Variants in STARD9 observed in about 807,000 individuals in gnomAD.
STARD9 encodes StAR related lipid transfer domain containing 9.
STARD9 carries 346 observed loss-of-function variants against 399.8 expected under a neutral mutation model. That is an observed-to-expected ratio of 0.87 (90% CI 0.79 to 0.95). The LOEUF (loss-of-function observed/expected upper bound fraction) is 0.95. Among genes scored for constraint, STARD9 ranks in the 40% least tolerant of loss-of-function variants. The pLI is 0.00. For missense variants in STARD9, 5,832 were observed against 5,667.5 expected (o/e 1.03, Z -0.93); for synonymous variants, 2,203 against 2,143.5 (o/e 1.03, Z -0.77).
intron 26 of STARD9, among the ~76,000 whole-genome samples, chr15:42,704,199 C>T (rs1481695041): frequency 3.3e-5 from 5 of 152,312 alleles, no homozygotes; most frequent in Middle Eastern, 3.4e-3. Context: ...GCATGAGCTA[C>T]CACGCCTGGC....
intron 3 of STARD9, among the ~76,000 whole-genome samples, chr15:42,616,011 G>C (rs1409497077): frequency 1.3e-5 from 2 of 152,132 alleles, no homozygotes; most frequent in Non-Finnish European, 1.5e-5. Flanking sequence ...CAATGAGTAG[G>C]ATTGGGGTGA....
intron 26 of STARD9, among the ~76,000 whole-genome samples, chr15:42,698,184 A>G (rs1595799705): frequency 6.6e-6 from 1 of 152,208 alleles, no homozygotes; most frequent in Admixed American, 6.5e-5. Flanking sequence ...TGCTGTTATC[A>G]GCAATACTAC....
intron 26 of STARD9, among the ~76,000 whole-genome samples, chr15:42,714,571 T>C (rs570915336): frequency 2.0e-5 from 3 of 152,356 alleles, no homozygotes; most frequent in African/African-American, 7.2e-5. Context: ...ATTTTTAATA[T>C]AATTTTGCAT....
chr15:42,658,234 T>C (rs1391697371), intron 9 of STARD9, among the ~76,000 whole-genome samples: 3 of 151,670 alleles, frequency 2.0e-5, no homozygotes, highest in African/African-American at 7.3e-5. Context: ...AGCCTCAACC[T>C]CCCGGGCTCA....
intron 8 of STARD9, among the ~76,000 whole-genome samples, chr15:42,651,640 T>G (rs886127055): frequency 1.3e-5 from 2 of 152,186 alleles, no homozygotes; most frequent in Non-Finnish European, 2.9e-5. Flanking sequence ...AAAAGGCTTT[T>G]TTTTTCTGGG....
chr15:42,657,478 A>G (rs1267257658), intron 9 of STARD9, among the ~76,000 whole-genome samples: 1 of 152,250 alleles, frequency 6.6e-6, no homozygotes, highest in Non-Finnish European at 1.5e-5. Context: ...ACCCTGAACA[A>G]CCAAACCTCA....
At chr15:42,589,796 G>A (rs531811768) in intron 3 of STARD9, among the ~76,000 whole-genome samples, 2 of 150,890 alleles carry the variant, frequency 1.3e-5, no homozygotes, top group East Asian at 2.0e-4. Flanking sequence ...TAGTAGAGAC[G>A]GGGTTTCACT....
chr15:42,631,829 A>T (rs28882725), intron 3 of STARD9, among the ~76,000 whole-genome samples: 3,026 of 150,590 alleles, frequency 0.02, 45 homozygotes, highest in Middle Eastern at 0.041. Flanking sequence ...TTTTTTTTTT[A>T]AATTATTTAA....
chr15:42,683,737 ATTTTTATTTC>A (rs920153331), intron 22 of STARD9, among the ~76,000 whole-genome samples: 1 of 152,018 alleles, frequency 6.6e-6, no homozygotes, highest in Non-Finnish European at 1.5e-5. Context: ...TGTAATCATT[ATTTTTATTTC>A]TTTTTATTGA....
chr15:42,674,070 A>T, intron 16 of STARD9: 1 of 442,432 alleles, frequency 2.3e-6, no homozygotes, highest in Non-Finnish European at 4.5e-6. Flanking sequence ...GAAAAGCCAT[A>T]CTTTTGCATG....
chr15:42,635,025 C>A, intron 4 of STARD9, 53 bp downstream of exon 4: 2 of 996,174 alleles, frequency 2.0e-6, no homozygotes, highest in Non-Finnish European at 3.0e-6. Flanking sequence ...CTGAACCTTG[C>A]ATTGTCCTTA....
chr15:42,692,577 T>C lies in STARD9; in HGVS notation c.10999T>C (p.Ser3667Pro). The change falls in exon 23 of 33, where the codon TCA becomes CCA. Residue 3667 changes from serine to proline, a missense_variant. Transcript: ENST00000290607. ...SFAQPEASAV[S>P]AFDLASWTSM... Reference sequence around the variant, plus strand: ...TGCTCAGCCTGAAGCCAGTGCAGTATCAGCCTTTGATCTGGCCTCATGGAC... The same window carrying C: ...TGCTCAGCCTGAAGCCAGTGCAGTACCAGCCTTTGATCTGGCCTCATGGAC... 4 of 1,537,212 alleles carry C rather than the reference T, an allele frequency of 2.6e-6. No homozygotes were observed. Among genetic ancestry groups the C allele is most frequent in the Non-Finnish European group, 2.6e-6 (3 of 1,146,914 alleles).
intron 3 of STARD9, among the ~76,000 whole-genome samples, chr15:42,603,695 G>C (rs1281154110): frequency 6.6e-6 from 1 of 152,072 alleles, no homozygotes; most frequent in African/African-American, 2.4e-5. Context: ...AATATTGATT[G>C]GTTGGGTCTG....
At chr15:42,683,812 CATA>C (rs1282886117) in intron 22 of STARD9, among the ~76,000 whole-genome samples, 1 of 152,156 alleles carries the variant, frequency 6.6e-6, no homozygotes, top group Non-Finnish European at 1.5e-5. Flanking sequence ...TTTGGTTCCT[CATA>C]ATACCATTTA....
intron 20 of STARD9, among the ~76,000 whole-genome samples, chr15:42,680,649 C>T (rs2060409265): frequency 6.6e-6 from 1 of 152,152 alleles, no homozygotes; most frequent in South Asian, 2.1e-4. Flanking sequence ...TTATGGAAGA[C>T]TTCAAATACA....
At chr15:42,719,333 C>G (rs1328613734) in intron 32 of STARD9, 140 bp from the exon 33 acceptor site, 5 of 621,002 alleles carry the variant, frequency 8.1e-6, no homozygotes, top group Non-Finnish European at 1.4e-5. Context: ...ATGGCAGAGC[C>G]CAGGGGCCTG....
chr15:42,656,628 T>C (rs922284763), intron 9 of STARD9, among the ~76,000 whole-genome samples: 8 of 152,178 alleles, frequency 5.3e-5, no homozygotes, highest in Non-Finnish European at 1.0e-4. Flanking sequence ...ATGTATACTG[T>C]GGAATACATT....
At chr15:42,699,387 C>CTTTTCTTTTTTTTTTTTTTTT (rs2060910897) in intron 26 of STARD9, among the ~76,000 whole-genome samples, 1 of 128,084 alleles carries the variant, frequency 7.8e-6, no homozygotes, top group African/African-American at 3.7e-5. Context: ...CAACTTTTTT[C>CTTTTCTTTTTTTTTTTTTTTT]TTTTCTTTTT....
intron 3 of STARD9, among the ~76,000 whole-genome samples, chr15:42,596,725 A>G (rs1319518985): frequency 1.3e-5 from 2 of 152,250 alleles, no homozygotes; most frequent in African/African-American, 4.8e-5. Context: ...GTTTTGGGAA[A>G]AAATGGTTTC....
Sources: gnomAD v4.1 joint callset for allele counts (sites outside exome capture counted in the v4.1 genomes callset) on GRCh38, gnomAD v4.1.1 for gene constraint, MANE v1.5 for transcripts, NCBI Gene and HGNC (gene_info 2026-07-23, HGNC 2026-07-21) for gene names.